Variants in DAB2IP observed in about 807,000 individuals in gnomAD.
DAB2IP encodes DAB2 interacting protein, also known as disabled homolog 2-interacting protein.
Under a neutral mutation model 107.2 loss-of-function variants are expected in DAB2IP, and 28 were observed. The observed-to-expected ratio is 0.26, with a 90% CI of 0.19 to 0.36. DAB2IP has a LOEUF of 0.36. DAB2IP is among the 10% of genes least tolerant of loss of function. The pLI, the probability that DAB2IP is intolerant of heterozygous loss-of-function variation, is 1.00. For missense variants in DAB2IP, 1,400 were observed against 1,644.7 expected, an observed-to-expected ratio of 0.85 and a Z score of 2.57; for synonymous variants, 755 against 706.4, an observed-to-expected ratio of 1.07 and a Z score of -1.09.
chr9:121,749,654 G>T (rs540907364), intron 3 of DAB2IP, among the ~76,000 whole-genome samples: 2 of 152,330 alleles, frequency 1.3e-5, no homozygotes, highest in African/African-American at 4.8e-5. Flanking sequence ...GCCTCCTCAC[G>T]GGGGTCTACT....
At chr9:121,768,459 C>T in exon 10 of DAB2IP, 2 of 1,614,236 alleles carry the variant, frequency 1.2e-6, no homozygotes, top group Non-Finnish European at 1.7e-6. Context: ...AATACATGTC[C>T]TTCATGAACC....
At chr9:121,630,855 G>A (rs1209860037) in intron 1 of DAB2IP, among the ~76,000 whole-genome samples, 16 of 152,122 alleles carry the variant, frequency 1.1e-4, no homozygotes, top group South Asian at 2.1e-4. Context: ...CAATCCACTC[G>A]GCTTGGCCTC....
At chr9:121,783,641 ACTTG>A in exon 16 of DAB2IP, 1 of 1,489,136 alleles carries the variant, frequency 6.7e-7, no homozygotes, top group Non-Finnish European at 9.4e-7. Context: ...AGGATGTTAG[ACTTG>A]CTCCCTCTCC....
rs927159386 is a variant in DAB2IP at position 121,633,038 on chromosome 9, G to A, written c.41-45640G>A. On this transcript the variant is annotated intron_variant, in intron 1 of 16. Transcript: ENST00000259371. The surrounding 1 kb of genome is among the most constrained non-coding windows in gnomAD (Gnocchi z 5.1). ...CAGACTGAGGGGTTCCAGCTGCTCCGGGCAGTGGGAGCCCACTGATGCCGG... is the reference window on the plus strand; with the variant it reads ...CAGACTGAGGGGTTCCAGCTGCTCCAGGCAGTGGGAGCCCACTGATGCCGG... 3.3e-5 allele frequency among the ~76,000 whole-genome samples: 5 copies of A among 152,192 alleles called. 1 individual carries two copies. Among genetic ancestry groups the A allele is most frequent in the East Asian group, 1.9e-4 (1 of 5,198 alleles).
At chr9:121,732,581 C>T (rs1564185890) in intron 3 of DAB2IP, among the ~76,000 whole-genome samples, 1 of 152,080 alleles carries the variant, frequency 6.6e-6, no homozygotes, top group Non-Finnish European at 1.5e-5. Flanking sequence ...AGGCTGTGGG[C>T]TGATGACATA....
rs1831570133 is a variant in DAB2IP, at chr9:121,624,339, G to T, written c.41-54339G>T. On this transcript the variant is annotated intron_variant, in intron 1 of 16. Coordinates refer to the DAB2IP transcript ENST00000259371. ...GGCAAGGAGGAAGGCATGCACCTGA[G>T]GAGCAGGGTGGAGTGGTGGCTGAGA... Among the ~76,000 whole-genome samples, 4 of 152,340 alleles carry T rather than the reference G, an allele frequency of 2.6e-5. No homozygotes were observed. The South Asian group carries it at 6.2e-4, about 24-fold the overall frequency.
At position 121,736,805 on chromosome 9, in the gene DAB2IP, G is replaced by A. The variant is rs944225457; in HGVS notation, c.363-20208G>A. Among the ~76,000 whole-genome samples, 1 of 152,226 alleles carries A rather than the reference G, an allele frequency of 6.6e-6. No individual in the cohort carries two copies. The highest frequency in any genetic ancestry group is 1.5e-5 in the Non-Finnish European group (1 of 68,040). On this transcript the variant is annotated intron_variant, in intron 3 of 15. Coordinates refer to ENST00000408936, the Ensembl canonical transcript of DAB2IP. The surrounding 1 kb of genome is among the most constrained non-coding windows in gnomAD (Gnocchi z 4.6). ...CTGTCGAGTGTCTACTCTGTGCCAG[G>A]CTCTGGTTCGAGGTGTGCTGGGCTT...
chr9:121,719,231 G>A (rs1430741875), intron 3 of DAB2IP, among the ~76,000 whole-genome samples: 1 of 152,226 alleles, frequency 6.6e-6, no homozygotes, highest in East Asian at 1.9e-4. Flanking sequence ...CAGGAATGAG[G>A]AGGGGATGTA....
chr9:121,753,596 C>T (rs1452259569), intron 3 of DAB2IP, among the ~76,000 whole-genome samples: 2 of 152,116 alleles, frequency 1.3e-5, no homozygotes, highest in Non-Finnish European at 2.9e-5. Flanking sequence ...GGGCCTTGGG[C>T]GGCTCAAGTA....
In DAB2IP at chr9:121,573,772, C is replaced by T. The variant is rs546399218; in HGVS notation, c.40+6544C>T. Among the ~76,000 whole-genome samples the T allele has an allele frequency of 1.2e-4, 18 of 152,254 alleles. No individual in the cohort carries two copies. The South Asian group carries it at 2.7e-3, about 23-fold the overall frequency. On this transcript the variant is annotated intron_variant, in intron 1 of 16. Coordinates refer to the DAB2IP transcript ENST00000259371. Reference sequence around the variant, plus strand: ...AGAAAATTGAGGCCCAAGGAGGTTACGTGACTGGCCCTGATCACGCAGTGA... The same window carrying T: ...AGAAAATTGAGGCCCAAGGAGGTTATGTGACTGGCCCTGATCACGCAGTGA...
intron 3 of DAB2IP, among the ~76,000 whole-genome samples, chr9:121,708,533 AGCTGT>A (rs1830171217): frequency 6.6e-6 from 1 of 152,184 alleles, no homozygotes; most frequent in African/African-American, 2.4e-5. Flanking sequence ...TGCATTTTGC[AGCTGT>A]GGTGGGTGAC....
chr9:121,607,462 C>G (rs1307269062), intron 1 of DAB2IP, among the ~76,000 whole-genome samples: 1 of 151,940 alleles, frequency 6.6e-6, no homozygotes, highest in African/African-American at 2.4e-5. Flanking sequence ...ACCACCATGC[C>G]CAGCTAATTT....
intron 3 of DAB2IP, among the ~76,000 whole-genome samples, chr9:121,740,889 A>G (rs1589617675): frequency 6.6e-6 from 1 of 152,302 alleles, no homozygotes; most frequent in East Asian, 1.9e-4. Flanking sequence ...CAGGAAAGTA[A>G]AAGGATTTGT....
intron 1 of DAB2IP, among the ~76,000 whole-genome samples, chr9:121,606,113 C>CG (rs1276035906): frequency 6.6e-6 from 1 of 151,902 alleles, no homozygotes; most frequent in Non-Finnish European, 1.5e-5. Flanking sequence ...GAAGCCAAGG[C>CG]GGGGGATCAC....
At chr9:121,593,238 A>ATTGGCTTGG (rs1287828811) in intron 1 of DAB2IP, among the ~76,000 whole-genome samples, 1 of 151,778 alleles carries the variant, frequency 6.6e-6, no homozygotes, top group East Asian at 1.9e-4. Context: ...CATGCTCACC[A>ATTGGCTTGG]CTGTGCTTGG....
intron 3 of DAB2IP, among the ~76,000 whole-genome samples, chr9:121,733,400 G>T (rs997165957): frequency 3.3e-5 from 5 of 152,232 alleles, no homozygotes; most frequent in Non-Finnish European, 7.3e-5. Flanking sequence ...GTCATTCAAA[G>T]AAATGGGAAG....
rs1301450181 is a variant in DAB2IP at position 121,662,103 on chromosome 9, TGGGG to T, written c.124+10207_124+10210del. On this transcript the variant is annotated intron_variant, in intron 1 of 15. Coordinates refer to ENST00000408936, the Ensembl canonical transcript of DAB2IP. This position sits in a 1 kb window ranked among gnomAD's most constrained non-coding sequence, Gnocchi z 4.6. ...ACCCACCAATAAGCTCTGGGATCAC[TGGGG>T]GGTTATTTCCAGCCCTTCCCCTTCT... 6.6e-6 allele frequency among the ~76,000 whole-genome samples: 1 copy of T among 152,162 alleles called. No individual in the cohort carries two copies. The highest frequency in any genetic ancestry group is 1.5e-5 in the Non-Finnish European group (1 of 68,006).
chr9:121,644,690 C>T (rs972429311), intron 1 of DAB2IP, among the ~76,000 whole-genome samples: 3 of 152,186 alleles, frequency 2.0e-5, no homozygotes, highest in South Asian at 2.1e-4. Context: ...TCAGTTTATA[C>T]GCAAGGCTTT....
intron 12 of DAB2IP, 112 bp from the exon 13 acceptor site, chr9:121,774,148 C>T (rs1835005199): frequency 1.6e-6 from 2 of 1,252,532 alleles, no homozygotes; most frequent in South Asian, 1.7e-5. Flanking sequence ...GAGGTCCCCT[C>T]TTCCCACCGT....
Sources: allele counts gnomAD v4.1 joint callset (sites outside exome capture counted in the v4.1 genomes callset), GRCh38; gene constraint gnomAD v4.1.1; non-coding constraint Gnocchi (gnomAD v3.1); transcripts MANE v1.5; gene names NCBI Gene and HGNC (gene_info 2026-07-23, HGNC 2026-07-21).